WDFY3: variants seen among roughly 807,000 people sequenced by gnomAD.
The protein encoded by WDFY3 is WD repeat and FYVE domain-containing protein 3.
In WDFY3, 66 loss-of-function variants were observed where a neutral mutation model predicts 409.6. The ratio of observed to expected loss-of-function variants is 0.16; its 90% confidence interval spans 0.13 to 0.20. The LOEUF is 0.20. Ranked by LOEUF, WDFY3 falls within the 10% of genes least tolerant of loss-of-function variation. WDFY3 has a pLI of 1.00. For synonymous variants in WDFY3, 1,521 were observed against 1,537.1 expected (o/e 0.99, Z 0.25); for missense variants, 3,031 against 4,298.1 (o/e 0.71, Z 8.24).
chr4:84,885,456 A>T (rs916990592), intron 3 of WDFY3, among the ~76,000 whole-genome samples: 7 of 152,114 alleles, frequency 4.6e-5, no homozygotes, highest in Non-Finnish European at 1.0e-4. Flanking sequence ...TTACTTCAAA[A>T]TTAAATATTT....
At position 84,673,719 on chromosome 4, in the gene WDFY3, T is replaced by G. The variant is rs567547228; in HGVS notation, c.10458-728A>C. Among the ~76,000 whole-genome samples, 35 of 152,158 alleles carry G rather than the reference T, an allele frequency of 2.3e-4. No individual in the cohort carries two copies. In the South Asian group the frequency reaches 7.3e-3, roughly 32 times the overall value. ...TTCCTGGAATAAAGCCAGGTGTGAC[T>G]CAGGATGTGGTATTAAATCACTTTA... is the stretch of plus-strand genomic sequence containing the variant. On this transcript the variant is annotated intron_variant, in intron 67 of 67. Transcript: ENST00000295888.
intron 12 of WDFY3, among the ~76,000 whole-genome samples, chr4:84,819,635 G>A (rs1270980041): frequency 6.6e-6 from 1 of 152,042 alleles, no homozygotes. Context: ...AAAATATTTA[G>A]TAAAGTTAAT....
intron 5 of WDFY3, among the ~76,000 whole-genome samples, chr4:84,844,994 A>G (rs1017195363): frequency 1.3e-5 from 2 of 152,216 alleles, no homozygotes; most frequent in African/African-American, 4.8e-5. Flanking sequence ...CCATTTTGCA[A>G]CTTGATATTC....
At chr4:84,802,170 A>G (rs1447575143) in intron 16 of WDFY3, among the ~76,000 whole-genome samples, 1 of 149,474 alleles carries the variant, frequency 6.7e-6, no homozygotes, top group African/African-American at 2.5e-5. Flanking sequence ...CTGGTCTCAA[A>G]CTCCTGACCT....
chr4:84,705,558 A>G (rs768311353), intron 53 of WDFY3, 47 bp from the exon 54 acceptor site: 1 of 1,440,664 alleles, frequency 6.9e-7, no homozygotes, highest in Non-Finnish European at 9.8e-7. Context: ...TACACTATCT[A>G]GCCTCACTAA....
chr4:84,829,217 A>G, intron 8 of WDFY3, 27 bp from the exon 9 acceptor site: 1 of 1,501,350 alleles, frequency 6.7e-7, no homozygotes, highest in Non-Finnish European at 8.9e-7. Flanking sequence ...TTAAATAAAT[A>G]TGCATTATTC....
intron 10 of WDFY3, among the ~76,000 whole-genome samples, chr4:84,826,330 C>T (rs553290853): frequency 4.6e-5 from 7 of 151,984 alleles, no homozygotes; most frequent in Admixed American, 6.6e-5. Flanking sequence ...TATGGGAAGA[C>T]GTGTAGGTTA....
intron 30 of WDFY3, among the ~76,000 whole-genome samples, chr4:84,771,134 C>T (rs1283557795): frequency 1.3e-5 from 2 of 151,990 alleles, no homozygotes; most frequent in Non-Finnish European, 2.9e-5. Context: ...ATTTTTCCCA[C>T]CTTTTTTTGT....
At chr4:84,917,092 C>T (rs1025191706) in intron 2 of WDFY3, among the ~76,000 whole-genome samples, 1 of 152,020 alleles carries the variant, frequency 6.6e-6, no homozygotes, top group South Asian at 2.1e-4. Flanking sequence ...TGTGTGTGTG[C>T]GTTTAAGTGG....
chr4:84,673,788 T>C (rs7440827), intron 67 of WDFY3, among the ~76,000 whole-genome samples: 2 of 150,464 alleles, frequency 1.3e-5, no homozygotes, highest in Non-Finnish European at 3.0e-5. Context: ...AAAAAAAAAA[T>C]TTTTTTTTGG....
At chr4:84,921,314 A>C (rs1403477337) in intron 2 of WDFY3, among the ~76,000 whole-genome samples, 1 of 152,138 alleles carries the variant, frequency 6.6e-6, no homozygotes, top group Non-Finnish European at 1.5e-5. Flanking sequence ...AGGGAAAAGA[A>C]ATTTAAGGAA....
At chr4:84,678,659 C>T (rs929116414) in intron 65 of WDFY3, among the ~76,000 whole-genome samples, 3 of 152,128 alleles carry the variant, frequency 2.0e-5, no homozygotes, top group African/African-American at 7.2e-5. Context: ...TGAATAAATA[C>T]AGTTTCTAGT....
intron 3 of WDFY3, among the ~76,000 whole-genome samples, chr4:84,873,149 AC>A (rs1391648719): frequency 1.3e-5 from 2 of 152,202 alleles, no homozygotes; most frequent in African/African-American, 4.8e-5. Flanking sequence ...TATATAGTTT[AC>A]CTGAACAGCA....
chr4:84,739,982 G>C (rs921905363), intron 39 of WDFY3, among the ~76,000 whole-genome samples: 10 of 151,450 alleles, frequency 6.6e-5, no homozygotes, highest in African/African-American at 1.9e-4. Context: ...AAATTTTAAA[G>C]GTGTAGAAAA....
In WDFY3 at chr4:84,823,487, G is replaced by A. The variant is rs779896407; in HGVS notation, c.1124-1936C>T. On this transcript the variant is annotated intron_variant, in intron 10 of 67. Coordinates refer to ENST00000295888, the MANE Select transcript of WDFY3 (RefSeq NM_014991.6). ...AAAACTTCCATTTCTCAAAAGATGC[G>A]TTAAAAAAAAACCAGCAAGTCAAAA... Among the ~76,000 whole-genome samples, 5 of 151,490 alleles carry A rather than the reference G, an allele frequency of 3.3e-5. 1 individual carries two copies. The South Asian group carries it at 6.2e-4, about 19-fold the overall frequency.
intron 3 of WDFY3, among the ~76,000 whole-genome samples, chr4:84,891,229 CTCT>C (rs1447889205): frequency 3.3e-5 from 5 of 152,192 alleles, no homozygotes; most frequent in Admixed American, 6.5e-5. Context: ...GCCCTTTCCT[CTCT>C]TCCATGATTT....
intron 27 of WDFY3, among the ~76,000 whole-genome samples, chr4:84,776,437 T>G (rs1745560952): frequency 6.6e-6 from 1 of 152,006 alleles, no homozygotes; most frequent in Non-Finnish European, 1.5e-5. Context: ...AAAGCAAAAT[T>G]TATTAAGCAA....
intron 10 of WDFY3, among the ~76,000 whole-genome samples, chr4:84,824,594 G>C (rs565976354): frequency 1.7e-4 from 26 of 152,262 alleles, no homozygotes; most frequent in Admixed American, 1.3e-4. Context: ...AAGGGTTAAG[G>C]TGGGGAGGAC....
intron 1 of WDFY3, among the ~76,000 whole-genome samples, chr4:84,936,927 C>T (rs887501210): frequency 4.6e-5 from 7 of 152,094 alleles, no homozygotes; most frequent in African/African-American, 1.7e-4. Flanking sequence ...TCTAGGAAAT[C>T]CCACTTCTCT....
Sources: gnomAD v4.1 joint callset for allele counts (sites outside exome capture counted in the v4.1 genomes callset) on GRCh38, gnomAD v4.1.1 for gene constraint, MANE v1.5 for transcripts, NCBI Gene and HGNC (gene_info 2026-07-23, HGNC 2026-07-21) for gene names.